The following PARVB variants were observed in gnomAD, a reference collection of about 807,000 sequenced individuals.
The protein encoded by PARVB is parvin beta, also known as beta-parvin.
PARVB carries 46 observed loss-of-function variants against 47.0 expected under a neutral mutation model. The ratio of observed to expected loss-of-function variants is 0.98; its 90% CI spans 0.77 to 1.25. PARVB has a LOEUF of 1.25. PARVB is among the 50% of genes most tolerant of loss of function. The probability of loss-of-function intolerance (pLI) is 0.00; values close to 1 mark genes in which losing one functional copy is unlikely to be tolerated. For missense variants in PARVB, 473 were observed against 471.6 expected (o/e 1.00, Z -0.03); for synonymous variants, 196 against 196.3 (o/e 1.00, Z 0.01).
rs974100869 is a variant in PARVB at position 44,049,481 on chromosome 22, C to T, written c.112+25030C>T. Among the ~76,000 whole-genome samples the T allele has an allele frequency of 6.6e-6, 1 of 152,204 alleles. No homozygotes were observed. Among genetic ancestry groups the T allele is most frequent in the African/African-American group, 2.4e-5 (1 of 41,458 alleles). On this transcript the variant is annotated intron_variant, in intron 1 of 12. Transcript: ENST00000338758. The surrounding 1 kb of genome is among the most constrained non-coding windows in gnomAD (Gnocchi z 4.0). ...TTTGGATTTGCTCCACTCTTTTTCACGGGCATAAAAATATCTGCGGAGTGA... is the reference window on the plus strand; with the variant it reads ...TTTGGATTTGCTCCACTCTTTTTCATGGGCATAAAAATATCTGCGGAGTGA...
chr22:44,120,915 C>T (rs1409638144), intron 4 of PARVB, among the ~76,000 whole-genome samples: 1 of 151,932 alleles, frequency 6.6e-6, no homozygotes, highest in East Asian at 1.9e-4. Flanking sequence ...GCGATCTCAG[C>T]TCACTGCAAC....
chr22:44,122,512 G>GAC (rs2053075319), intron 4 of PARVB, among the ~76,000 whole-genome samples: 1 of 91,202 alleles, frequency 1.1e-5, no homozygotes, highest in Non-Finnish European at 2.0e-5. Context: ...GAGAGAGAGA[G>GAC]AGAGAGACAG....
At chr22:44,077,026 C>A (rs1422599233) in intron 1 of PARVB, among the ~76,000 whole-genome samples, 1 of 152,210 alleles carries the variant, frequency 6.6e-6, no homozygotes. Flanking sequence ...GGTCCTGTGC[C>A]TGCCCGGGGC....
chr22:44,080,798 C>T (rs746495278), intron 1 of PARVB, among the ~76,000 whole-genome samples: 5 of 152,136 alleles, frequency 3.3e-5, no homozygotes, highest in South Asian at 2.1e-4. Context: ...ATGAATTCAC[C>T]GAGTGTTCAC....
rs1301349631 is a variant in PARVB, at chr22:44,089,386, A to G, written c.113-4542A>G. 6.6e-6 allele frequency: 1 copy of G among 151,840 alleles called. No individual in the cohort carries two copies. Among genetic ancestry groups the G allele is most frequent in the Non-Finnish European group, 1.5e-5 (1 of 68,072 alleles). The allele number at this position is 151,840 out of a possible 1,614,324, so 9.4% of individuals were successfully genotyped here. ...TCCCTTGGAAGCTCACACCCTCCACACCCTCCAGACACTGAGAGAATGCAT... is the reference window on the plus strand; with the variant it reads ...TCCCTTGGAAGCTCACACCCTCCACGCCCTCCAGACACTGAGAGAATGCAT... On this transcript the variant is annotated intron_variant, in intron 1 of 12. Transcript: ENST00000338758. This position sits in a 1 kb window ranked among gnomAD's most constrained non-coding sequence, Gnocchi z 4.0.
intron 1 of PARVB, among the ~76,000 whole-genome samples, chr22:44,032,562 T>C (rs1373587454): frequency 6.6e-6 from 1 of 152,118 alleles, no homozygotes; most frequent in African/African-American, 2.4e-5. Flanking sequence ...TTGCTTCTTC[T>C]CTCTAAGCCT....
chr22:44,068,493 C>T lies in PARVB; in HGVS notation c.113-25435C>T, dbSNP rs952724096. Among the ~76,000 whole-genome samples the T allele has an allele frequency of 2.6e-5, 4 of 152,164 alleles. No individual in the cohort carries two copies. Among genetic ancestry groups the T allele is most frequent in the Non-Finnish European group, 5.9e-5 (4 of 68,024 alleles). The stretch of plus-strand genomic sequence containing the variant: ...CTTCCTTTGGGGAAGTGAGTGCTCC[C>T]GAGAGCAGCCTGCCGCCTCCGTGTC... On this transcript the variant is annotated intron_variant, in intron 1 of 12. Transcript: ENST00000338758. This position sits in a 1 kb window ranked among gnomAD's most constrained non-coding sequence, Gnocchi z 4.1.
intron 3 of PARVB, chr22:44,104,259 C>T (rs950118278): frequency 3.3e-5 from 5 of 152,250 alleles, no homozygotes; most frequent in African/African-American, 1.2e-4. Context: ...TGCTCTCAGA[C>T]TGCAGGTTGC....
intron 7 of PARVB, chr22:44,138,970 T>G (rs2053496555): frequency 6.6e-6 from 1 of 152,186 alleles, no homozygotes; most frequent in Non-Finnish European, 1.5e-5. Flanking sequence ...AGTAAAGACT[T>G]CCTTGCCTCT....
chr22:44,129,125 A>T (rs2147153159), intron 4 of PARVB, among the ~76,000 whole-genome samples: 1 of 152,274 alleles, frequency 6.6e-6, no homozygotes, highest in Non-Finnish European at 1.5e-5. Context: ...AAATGAGGCC[A>T]TACGAGTGGG....
At chr22:44,167,567 C>T (rs1023437400) in intron 12 of PARVB, among the ~76,000 whole-genome samples, 8 of 152,054 alleles carry the variant, frequency 5.3e-5, no homozygotes, top group Admixed American at 5.2e-4. Flanking sequence ...GTCCTTGCTG[C>T]CCCCCTCGCC....
chr22:44,129,635 T>G (rs1340959751), intron 4 of PARVB, among the ~76,000 whole-genome samples: 1 of 152,244 alleles, frequency 6.6e-6, no homozygotes, highest in African/African-American at 2.4e-5. Context: ...ACTTGCTCTC[T>G]ACTTCCAGGG....
rs1447274509 is a variant in PARVB at position 44,168,594 on chromosome 22, T to A, written c.1019-8T>A. On this transcript the variant is annotated splice_polypyrimidine_tract_variant and splice_region_variant and intron_variant, in intron 12 of 12. Transcript: ENST00000338758. ...ACGCCTCTGAAGTTTCTCTGTTTCC[T>A]TCTGCAGACGTGGTTAACTTGGACC... The A allele has an allele frequency of 3.1e-6, 5 of 1,603,816 alleles. No individual in the cohort carries two copies. The highest frequency in any genetic ancestry group is 2.6e-6 in the Non-Finnish European group (3 of 1,170,792).
chr22:44,007,211 C>T (rs2050474669), intron 2 of PARVB, among the ~76,000 whole-genome samples: 1 of 150,910 alleles, frequency 6.6e-6, no homozygotes, highest in Admixed American at 6.6e-5. Flanking sequence ...TGGGGAAGAA[C>T]AGGTCAGCAG....
intron 1 of PARVB, among the ~76,000 whole-genome samples, chr22:44,048,572 TA>T (rs1187702591): frequency 6.6e-6 from 1 of 152,046 alleles, no homozygotes; most frequent in Non-Finnish European, 1.5e-5. Context: ...TTTATTTATT[TA>T]TTTTTTGAGA....
chr22:44,039,227 G>A (rs933618597), intron 1 of PARVB, among the ~76,000 whole-genome samples: 15 of 152,150 alleles, frequency 9.9e-5, no homozygotes, highest in African/African-American at 3.6e-4. Context: ...AGCAATTCCA[G>A]TAAATCTTAG....
chr22:44,034,507 C>T (rs1039441102), intron 1 of PARVB, among the ~76,000 whole-genome samples: 5 of 151,966 alleles, frequency 3.3e-5, no homozygotes, highest in African/African-American at 1.2e-4. Context: ...GATCCTCCTG[C>T]CTTAGCCTCC....
Position 44,100,114 on chromosome 22 carries a change from A to C in PARVB, c.264A>C (p.Glu88Asp), listed in dbSNP as rs750363308. ...CCAAGGAAGACCCCAAGTTCAAGGA[A>C]CTGGTCAAGGTAAGGAGCTCCGTCT... ...PTSKEDPKFK[E>D]LVKVLLDWIN... Residue 88 changes from glutamate (E) to aspartate (D), a missense_variant, in exon 3 of 13, where the codon GAA becomes GAC. Coordinates refer to ENST00000338758, the MANE Select transcript of PARVB (RefSeq NM_013327.5). The C allele has an allele frequency of 3.1e-6, 5 of 1,613,124 alleles. No individual in the cohort carries two copies. The highest frequency in any genetic ancestry group is 3.3e-5 in the Admixed American group (2 of 60,026).
chr22:44,086,882 C>T, intron 1 of PARVB: 1 of 950,552 alleles, frequency 1.1e-6, no homozygotes, highest in Non-Finnish European at 1.3e-6. Context: ...GCCTGGAAAA[C>T]CTCATTTAAC....
Sources: gnomAD v4.1 joint callset for allele counts (sites outside exome capture counted in the v4.1 genomes callset) on GRCh38, gnomAD v4.1.1 for gene constraint, Gnocchi (gnomAD v3.1) non-coding constraint, MANE v1.5 for transcripts, NCBI Gene and HGNC (gene_info 2026-07-23, HGNC 2026-07-21) for gene names.